The following AMPD1 variants were observed in gnomAD, a reference collection of about 807,000 sequenced individuals.
The protein encoded by AMPD1 is AMP deaminase 1.
In AMPD1, 74 loss-of-function variants were observed where a neutral mutation model predicts 82.9. The ratio of observed to expected loss-of-function variants is 0.89; its 90% CI spans 0.74 to 1.08. AMPD1 has a LOEUF of 1.08. Among genes scored for constraint, AMPD1 ranks in the 50% least tolerant of loss-of-function variants. The pLI is 0.00. For synonymous variants in AMPD1, 333 were observed against 320.5 expected, an observed-to-expected ratio of 1.04 and a Z score of -0.42; for missense variants, 881 against 924.5, an observed-to-expected ratio of 0.95 and a Z score of 0.61.
At chr1:114,695,069 A>G (rs1396716899) in intron 1 of AMPD1, among the ~76,000 whole-genome samples, 3 of 152,116 alleles carry the variant, frequency 2.0e-5, no homozygotes, top group Non-Finnish European at 2.9e-5. Context: ...GAATACACAC[A>G]TGGGTTATTT....
Position 114,684,464 on chromosome 1 carries a change from C to T in AMPD1, c.382-100G>A, listed in dbSNP as rs1324727218. Reference sequence around the variant, plus strand: ...GGCACCTCCCAGCTCTCCTGTGTATCGCAGCCCATTCTGAGACTCACCACT... The same window carrying T: ...GGCACCTCCCAGCTCTCCTGTGTATTGCAGCCCATTCTGAGACTCACCACT... On this transcript the variant is annotated intron_variant, in intron 4 of 15. Transcript: ENST00000520113. The T allele has an allele frequency of 2.3e-5, 30 of 1,280,154 alleles. 1 individual carries two copies. In the East Asian group the frequency reaches 6.2e-4, roughly 26 times the overall value. The allele number at this position is 1,280,154 out of a possible 1,614,324, so 79.3% of individuals were successfully genotyped here. A position where few individuals can be genotyped will look rare whatever the true frequency, so the allele number is the denominator to read the frequency against.
At chr1:114,687,581 G>C (rs368950971) in intron 3 of AMPD1, among the ~76,000 whole-genome samples, 3 of 152,244 alleles carry the variant, frequency 2.0e-5, no homozygotes, top group East Asian at 1.9e-4. Context: ...TGGTGGGATG[G>C]GGGGAGGACC....
intron 5 of AMPD1, among the ~76,000 whole-genome samples, chr1:114,681,336 T>C (rs1222831163): frequency 6.6e-6 from 1 of 152,138 alleles, no homozygotes; most frequent in Non-Finnish European, 1.5e-5. Context: ...GACTCACGCC[T>C]GTAATCCCAG....
chr1:114,687,391 G>T (rs1570851402), intron 3 of AMPD1, among the ~76,000 whole-genome samples: 1 of 152,084 alleles, frequency 6.6e-6, no homozygotes, highest in African/African-American at 2.4e-5. Context: ...AACTTATAAG[G>T]TATTTAATAT....
chr1:114,688,529 A>T (rs765856730), intron 3 of AMPD1, 32 bp downstream of exon 3: 47 of 1,612,018 alleles, frequency 2.9e-5, no homozygotes, highest in Non-Finnish European at 4.0e-5. Context: ...CTTAGGTGCC[A>T]ATATACTAAG....
chr1:114,686,874 C>G lies in AMPD1; in HGVS notation c.252G>C (p.Leu84Phe). The stretch of plus-strand genomic sequence containing the variant: ...AAGATGTTTCACTTAGTGGAATGGA[C>G]AAATTAACAGTCTTCCGTCCTTGGA... Reference protein sequence around the residue: ...KRFQGRKTVNLSIPLSETSST... With the variant: ...KRFQGRKTVNFSIPLSETSST... Residue 84 changes from leucine (L) to phenylalanine (F), a missense_variant, in exon 4 of 16, where the codon TTG becomes TTC. This residue lies in a region of AMPD1 where 783 missense variants were observed against 786.4 expected (regional missense o/e 1.00). Transcript: ENST00000520113. The G allele has an allele frequency of 1.2e-6, 2 of 1,614,138 alleles. No homozygotes were observed. The highest frequency in any genetic ancestry group is 1.7e-6 in the Non-Finnish European group (2 of 1,180,020).
intron 4 of AMPD1, among the ~76,000 whole-genome samples, chr1:114,684,987 A>G (rs1158016033): frequency 3.3e-5 from 5 of 152,194 alleles, no homozygotes; most frequent in Admixed American, 3.3e-4. Context: ...GAGCTGCTGG[A>G]AATTTCCCCT....
chr1:114,690,841 A>G (rs1658495545), intron 2 of AMPD1, among the ~76,000 whole-genome samples: 1 of 152,122 alleles, frequency 6.6e-6, no homozygotes, highest in South Asian at 2.1e-4. Context: ...GGGCAAATGG[A>G]AACAGGACAG....
intron 1 of AMPD1, among the ~76,000 whole-genome samples, chr1:114,694,171 G>A (rs960497062): frequency 2.0e-5 from 3 of 151,822 alleles, no homozygotes; most frequent in Non-Finnish European, 4.4e-5. Flanking sequence ...AGCCAAGATC[G>A]CACCACTGCA....
Position 114,678,013 on chromosome 1 carries a change from T to A in AMPD1, c.1121A>T (p.Lys374Met). 1 of 1,614,048 alleles carries A rather than the reference T, an allele frequency of 6.2e-7. No homozygotes were observed. Among genetic ancestry groups the A allele is most frequent in the South Asian group, 1.1e-5 (1 of 91,086 alleles). ...TACAGGATTATATTTGTCATTGAAC[T>A]TATCAAAACGCTGGAAGGTCTGGCG... The part of the protein sequence containing the change: ...AGRQTFQRFD[K>M]FNDKYNPVGA... Residue 374 changes from lysine (K) to methionine (M), a missense_variant, in exon 9 of 16, where the codon AAG becomes ATG. This residue lies in a region of AMPD1 where 783 missense variants were observed against 786.4 expected (regional missense o/e 1.00). Transcript: ENST00000520113.
chr1:114,678,433 A>C lies in AMPD1; in HGVS notation c.992T>G (p.Val331Gly). The C allele has an allele frequency of 1.2e-6, 2 of 1,614,126 alleles. No individual in the cohort carries two copies. Among genetic ancestry groups the C allele is most frequent in the African/African-American group, 1.3e-5 (1 of 75,040 alleles). ...CAGATTCTTCTCTTTGGTGCTATAG[A>C]CCACTCTGTCAGCATCAATTTGGTA... ...KSYQIDADRV[V>G]YSTKEKNLTL... is the part of the protein sequence containing the mutation. Residue 331 changes from valine to glycine, a missense_variant, in exon 8 of 16, where the codon GTC becomes GGC. Transcript: ENST00000520113.
chr1:114,678,149 T>C (rs1219200462), intron 8 of AMPD1, 108 bp from the exon 9 acceptor site: 3 of 1,512,868 alleles, frequency 2.0e-6, no homozygotes, highest in African/African-American at 1.4e-5. Flanking sequence ...GGGAGGGCAT[T>C]GGGCTCCAAG....
intron 1 of AMPD1, among the ~76,000 whole-genome samples, chr1:114,694,322 T>C (rs1658614274): frequency 6.6e-6 from 1 of 152,154 alleles, no homozygotes; most frequent in Admixed American, 6.5e-5. Context: ...TCTTTTAAAA[T>C]GGTTTTTAGG....
intron 2 of AMPD1, 77 bp downstream of exon 2, chr1:114,693,359 T>C (rs2101728280): frequency 1.4e-6 from 2 of 1,415,206 alleles, no homozygotes; most frequent in East Asian, 2.3e-5. Context: ...AATAGCCATG[T>C]TTCTGAATTA....
intron 7 of AMPD1, among the ~76,000 whole-genome samples, chr1:114,678,880 A>G (rs919818783): frequency 6.6e-6 from 1 of 152,180 alleles, no homozygotes; most frequent in African/African-American, 2.4e-5. Context: ...CCCTAAGGAG[A>G]AAGGATTGAA....
At chr1:114,677,006 C>G (rs1475215957) in intron 10 of AMPD1, among the ~76,000 whole-genome samples, 1 of 152,024 alleles carries the variant, frequency 6.6e-6, no homozygotes, top group Non-Finnish European at 1.5e-5. Flanking sequence ...TAGAGATGAG[C>G]ATGGGAAGGA....
chr1:114,679,632 C>T lies in AMPD1; in HGVS notation c.844G>A (p.Glu282Lys), dbSNP rs748720444. 29 of 1,613,956 alleles carry T rather than the reference C, an allele frequency of 1.8e-5. No individual in the cohort carries two copies. The highest frequency in any genetic ancestry group is 3.3e-5 in the South Asian group (3 of 91,060). ...GGGTTGTTTTTCAGCTCCTTTAACT[C>T]GTCCATCTCGTTAAGCATCTGATGG... is the stretch of plus-strand genomic sequence containing the variant. ...QVHQMLNEMD[E>K]LKELKNNPHR... The change falls in exon 7 of 16, where the codon GAG becomes AAG. Residue 282 changes from glutamate (E) to lysine (K), a missense_variant. Glu to Lys is a moderately conservative substitution (Grantham distance 56). Transcript: ENST00000520113.
chr1:114,689,390 T>C (rs573936970), intron 2 of AMPD1, among the ~76,000 whole-genome samples: 5 of 152,336 alleles, frequency 3.3e-5, no homozygotes, highest in Admixed American at 3.3e-4. Context: ...CTTGTGGACA[T>C]AGGCCTCAAT....
At chr1:114,691,802 G>C (rs1254290109) in intron 2 of AMPD1, among the ~76,000 whole-genome samples, 1 of 152,106 alleles carries the variant, frequency 6.6e-6, no homozygotes, top group Non-Finnish European at 1.5e-5. Context: ...GCACGTGCCT[G>C]TAATCCCAGC....
Sources: gnomAD v4.1 joint callset for allele counts (sites outside exome capture counted in the v4.1 genomes callset) on GRCh38, gnomAD v4.1.1 for gene constraint, gnomAD v4.1.1 regional missense constraint, MANE v1.5 for transcripts, NCBI Gene and HGNC (gene_info 2026-07-23, HGNC 2026-07-21) for gene names.